PKHD1: variants seen among roughly 807,000 people sequenced by gnomAD.
PKHD1 encodes fibrocystin.
In PKHD1, 291 loss-of-function variants were observed where a neutral mutation model predicts 412.0. The observed-to-expected ratio is 0.71, with a 90% CI of 0.64 to 0.78. The LOEUF is 0.78. PKHD1 is among the 30% of genes least tolerant of loss of function. The pLI, the probability that PKHD1 is intolerant of heterozygous loss-of-function variation, is 0.00. For synonymous variants in PKHD1, 1,777 were observed against 1,821.5 expected, an observed-to-expected ratio of 0.98 and a Z score of 0.62; for missense variants, 4,825 against 4,950.7, an observed-to-expected ratio of 0.97 and a Z score of 0.76.
In PKHD1 at chr6:52,006,981, C is replaced by T. The variant is rs1050191730; in HGVS notation, c.5751+3328G>A. Among the ~76,000 whole-genome samples the T allele has an allele frequency of 3.3e-5, 5 of 152,124 alleles. No individual in the cohort carries two copies. The East Asian group carries it at 7.7e-4, about 23-fold the overall frequency. ...CCTGAGTTACTTCACTTAGAATAATCGTCTCCAGTTCCATCCAGGTTGCTA... is the reference window on the plus strand; with the variant it reads ...CCTGAGTTACTTCACTTAGAATAATTGTCTCCAGTTCCATCCAGGTTGCTA... On this transcript the variant is annotated intron_variant, in intron 35 of 66. Transcript: ENST00000371117.
In PKHD1 at chr6:52,024,686, G is replaced by C; in HGVS notation, c.5124C>G (p.Ser1708=). 1.2e-6 allele frequency: 2 copies of C among 1,614,182 alleles called. No individual in the cohort carries two copies. Residue 1708 remains serine (S), a synonymous_variant, in exon 32 of 67, where the codon TCC becomes TCG. Transcript: ENST00000371117. The part of the protein sequence containing the change: ...NHTVLQCVVP[S]LPAGEYHVRG... ...TGACGTGGTACTCCCCGGCCGGAAGGGAAGGGACCACGCACTGAAGAACGG... is the reference window on the plus strand; with the variant it reads ...TGACGTGGTACTCCCCGGCCGGAAGCGAAGGGACCACGCACTGAAGAACGG...
At position 52,075,340 on chromosome 6, in the gene PKHD1, A is replaced by G. The variant is rs112658750; in HGVS notation, c.448+936T>C. Reference sequence around the variant, plus strand: ...TGCTTGAGCAGTTGAGCCAATCAAAACAACAAGATCCGTCTATGCATTTAG... The same window carrying G: ...TGCTTGAGCAGTTGAGCCAATCAAAGCAACAAGATCCGTCTATGCATTTAG... On this transcript the variant is annotated intron_variant, in intron 6 of 66. Transcript: ENST00000371117. Among the ~76,000 whole-genome samples, 1,111 of 152,352 alleles carry G rather than the reference A, an allele frequency of 7.3e-3. 14 individuals are homozygous for G. Among genetic ancestry groups the G allele is most frequent in the African/African-American group, 0.025 (1,037 of 41,582 alleles).
chr6:51,900,833 C>T (rs538871732), intron 43 of PKHD1, among the ~76,000 whole-genome samples: 1,522 of 152,158 alleles, frequency 0.01, 27 homozygotes, highest in African/African-American at 0.034. Context: ...AAGAAAAAAA[C>T]AACCCCATCA....
intron 63 of PKHD1, among the ~76,000 whole-genome samples, chr6:51,646,877 A>G (rs377144856): frequency 8.6e-5 from 13 of 152,008 alleles, no homozygotes; most frequent in African/African-American, 2.9e-4. Context: ...CCATTCTCCA[A>G]TCCACCCTCC....
intron 52 of PKHD1, among the ~76,000 whole-genome samples, chr6:51,813,791 G>A (rs898888443): frequency 1.2e-4 from 18 of 150,872 alleles, no homozygotes; most frequent in African/African-American, 4.4e-4. Flanking sequence ...TTCCTCTCTG[G>A]GTGAGGCTTG....
chr6:52,070,057 A>G (rs1262382775), intron 10 of PKHD1, among the ~76,000 whole-genome samples: 1 of 152,192 alleles, frequency 6.6e-6, no homozygotes, highest in African/African-American at 2.4e-5. Context: ...TCCATTTTCA[A>G]GAAGGCACTT....
At chr6:51,849,000 T>G (rs923717098) in intron 49 of PKHD1, among the ~76,000 whole-genome samples, 1 of 150,468 alleles carries the variant, frequency 6.6e-6, no homozygotes, top group Non-Finnish European at 1.5e-5. Flanking sequence ...GGTATACGTG[T>G]GCCATGGTGG....
chr6:51,950,220 A>AAAAAAAAAAAAATATAT, intron 36 of PKHD1, among the ~76,000 whole-genome samples: 98 of 98,264 alleles, frequency 1.0e-3, no homozygotes, highest in African/African-American at 3.2e-3. Context: ...GAAAAAAAAA[A>AAAAAAAAAAAAATATAT]ATATATATAT....
At chr6:52,057,521 A>T (rs993445816) in intron 16 of PKHD1, among the ~76,000 whole-genome samples, 4 of 152,002 alleles carry the variant, frequency 2.6e-5, no homozygotes, top group African/African-American at 9.7e-5. Flanking sequence ...GGTTCAAGCA[A>T]TTCTCCTGCC....
At chr6:51,921,844 G>T (rs532017115) in intron 37 of PKHD1, among the ~76,000 whole-genome samples, 163 of 152,152 alleles carry the variant, frequency 1.1e-3, no homozygotes, top group African/African-American at 3.8e-3. Context: ...TTTTTTCAAG[G>T]TTTGTAGCTT....
chr6:51,779,926 C>T (rs2094261), intron 53 of PKHD1, among the ~76,000 whole-genome samples: 89,129 of 151,976 alleles, frequency 0.59, 26,894 homozygotes, highest in East Asian at 0.83. Context: ...TTTAAAAAAA[C>T]TGATCATATG....
intron 11 of PKHD1, among the ~76,000 whole-genome samples, chr6:52,066,603 T>C (rs992549252): frequency 3.3e-5 from 5 of 152,282 alleles, no homozygotes; most frequent in East Asian, 3.9e-4. Context: ...CTGCTCCTGA[T>C]TGTTTAAAAT....
rs1464842674 is a variant in PKHD1, at chr6:52,084,879, G to C, written c.52+3C>G. 1 of 1,586,516 alleles carries C rather than the reference G, an allele frequency of 6.3e-7. No individual in the cohort carries two copies. On this transcript the variant is annotated splice_donor_region_variant and intron_variant, in intron 2 of 66. Coordinates refer to ENST00000371117, the MANE Select transcript of PKHD1 (RefSeq NM_138694.4). ...TAATTCCTTCAAAACACATTCTACTGACCTGCCAAAAGTAGTACTTCAATA... is the reference window on the plus strand; with the variant it reads ...TAATTCCTTCAAAACACATTCTACTCACCTGCCAAAAGTAGTACTTCAATA...
intron 43 of PKHD1, among the ~76,000 whole-genome samples, chr6:51,892,677 A>C (rs573156460): frequency 6.6e-6 from 1 of 152,346 alleles, no homozygotes; most frequent in South Asian, 2.1e-4. Context: ...ATATGAAAAC[A>C]TGGTTAATTA....
intron 60 of PKHD1, among the ~76,000 whole-genome samples, chr6:51,678,769 C>T (rs544080722): frequency 5.2e-4 from 79 of 151,976 alleles, no homozygotes; most frequent in Non-Finnish European, 1.1e-3. Flanking sequence ...ATATAATATT[C>T]GCCATCATCA....
intron 36 of PKHD1, among the ~76,000 whole-genome samples, chr6:51,950,486 C>T (rs900808576): frequency 1.3e-5 from 2 of 151,994 alleles, no homozygotes; most frequent in Non-Finnish European, 2.9e-5. Context: ...CATAGGGCTC[C>T]TTTTATTGTT....
At chr6:51,944,902 G>C (rs1001207953) in intron 36 of PKHD1, among the ~76,000 whole-genome samples, 9 of 152,094 alleles carry the variant, frequency 5.9e-5, no homozygotes, top group Non-Finnish European at 1.0e-4. Flanking sequence ...CTCTGTTACT[G>C]GTCCTTTTGA....
intron 60 of PKHD1, among the ~76,000 whole-genome samples, chr6:51,669,080 T>A (rs968604416): frequency 2.2e-4 from 34 of 152,212 alleles, no homozygotes; most frequent in African/African-American, 7.7e-4. Context: ...TAGGGAGGAT[T>A]CCCTCTTTTT....
At position 52,086,079 on chromosome 6, in the gene PKHD1, TAC is replaced by T. The variant is rs542649138; in HGVS notation, c.-84-1064_-84-1063del. Among the ~76,000 whole-genome samples the T allele has an allele frequency of 4.1e-5, 6 of 146,422 alleles. No individual in the cohort carries two copies. In the South Asian group the frequency reaches 6.4e-4, roughly 16 times the overall value. On this transcript the variant is annotated intron_variant, in intron 1 of 66. Coordinates refer to ENST00000371117, the MANE Select transcript of PKHD1 (RefSeq NM_138694.4). ...TTTAATATATATATACATACCTACA[TAC>T]ACACACACACATACACACACACAAA... is the stretch of plus-strand genomic sequence containing the variant.
Sources: allele counts gnomAD v4.1 joint callset (sites outside exome capture counted in the v4.1 genomes callset), GRCh38; gene constraint gnomAD v4.1.1; transcripts MANE v1.5; gene names NCBI Gene and HGNC (gene_info 2026-07-23, HGNC 2026-07-21).